The following GRM7 variants were observed in gnomAD, a reference collection of about 807,000 sequenced individuals.
The protein encoded by GRM7 is metabotropic glutamate receptor 7.
A neutral mutation model predicts 84.5 loss-of-function variants in GRM7; 35 were observed. That is an observed-to-expected ratio of 0.41 (90% CI 0.32 to 0.55). GRM7 has a LOEUF of 0.55. Among genes scored for constraint, GRM7 ranks in the 20% least tolerant of loss-of-function variants. The pLI is 0.19. For missense variants in GRM7, 1,003 were observed against 1,194.6 expected (o/e 0.84, Z 2.36); for synonymous variants, 487 against 455.1 (o/e 1.07, Z -0.89).
chr3:7,655,708 A>G (rs1699149555), intron 8 of GRM7, among the ~76,000 whole-genome samples: 1 of 152,158 alleles, frequency 6.6e-6, no homozygotes, highest in Admixed American at 6.5e-5. Context: ...TGGCTCCTAG[A>G]CGCTGAGGGT....
intron 4 of GRM7, among the ~76,000 whole-genome samples, chr3:7,409,364 T>A (rs539104276): frequency 2.8e-4 from 42 of 151,684 alleles, no homozygotes; most frequent in African/African-American, 8.9e-4. Context: ...CTTCAACTTT[T>A]CCTGAAAGAC....
In GRM7 at chr3:7,418,060, T is replaced by A. The variant is rs371393368; in HGVS notation, c.1174+2897T>A. 8.9e-4 allele frequency among the ~76,000 whole-genome samples: 136 copies of A among 152,328 alleles called. 5 individuals are homozygous for A. The South Asian group carries it at 0.026, about 29-fold the overall frequency. On this transcript the variant is annotated intron_variant, in intron 5 of 9. Coordinates refer to ENST00000357716, the MANE Select transcript of GRM7 (RefSeq NM_000844.4). ...CTTCATAATTTTACTTGGGGCTAGA[T>A]GTGCATGAATTCTTATAGAAAATGA...
At chr3:7,699,894 C>G (rs542151360) in intron 9 of GRM7, among the ~76,000 whole-genome samples, 2 of 152,248 alleles carry the variant, frequency 1.3e-5, no homozygotes, top group South Asian at 2.1e-4. Flanking sequence ...GTTACAGGCT[C>G]TGGAGTTGGA....
rs562166518 is a variant in GRM7 at position 6,879,747 on chromosome 3, A to G, written c.519+17840A>G. Among the ~76,000 whole-genome samples the G allele has an allele frequency of 1.1e-4, 17 of 152,350 alleles. No individual in the cohort carries two copies. The South Asian group carries it at 3.3e-3, about 30-fold the overall frequency. On this transcript the variant is annotated intron_variant, in intron 1 of 9. Coordinates refer to ENST00000357716, the MANE Select transcript of GRM7 (RefSeq NM_000844.4). ...TTCTGGGAACCTGAGGTTAGAATTC[A>G]GTATCGATTTATAATGAGTTTACCT...
intron 5 of GRM7, among the ~76,000 whole-genome samples, chr3:7,427,071 C>T (rs938063673): frequency 2.6e-5 from 4 of 152,130 alleles, no homozygotes; most frequent in Non-Finnish European, 5.9e-5. Flanking sequence ...ATCTTTTGGG[C>T]TGCATGTGAT....
intron 1 of GRM7, among the ~76,000 whole-genome samples, chr3:6,929,432 T>C (rs988490707): frequency 1.3e-5 from 2 of 152,192 alleles, no homozygotes; most frequent in African/African-American, 4.8e-5. Context: ...GTATGGGAAC[T>C]AAAATTGAAT....
intron 4 of GRM7, among the ~76,000 whole-genome samples, chr3:7,391,537 C>T (rs1694994141): frequency 6.6e-6 from 1 of 151,952 alleles, no homozygotes; most frequent in Admixed American, 6.6e-5. Context: ...GGGTGGAGAA[C>T]ATCACACACC....
intron 4 of GRM7, among the ~76,000 whole-genome samples, chr3:7,409,471 T>C (rs900630831): frequency 2.0e-5 from 3 of 152,164 alleles, no homozygotes; most frequent in Non-Finnish European, 4.4e-5. Flanking sequence ...ATTGTGCTCT[T>C]TTTCACTGTG....
At chr3:7,739,295 A>G (rs1164871292) in intron 9 of GRM7, among the ~76,000 whole-genome samples, 1 of 152,200 alleles carries the variant, frequency 6.6e-6, no homozygotes, top group African/African-American at 2.4e-5. Flanking sequence ...TCAGTATGTT[A>G]ATATGACTTC....
chr3:7,160,861 G>A (rs968325495), intron 2 of GRM7, among the ~76,000 whole-genome samples: 2 of 152,056 alleles, frequency 1.3e-5, no homozygotes, highest in African/African-American at 4.8e-5. Flanking sequence ...TCCGTATCCT[G>A]TTTGATTGCA....
rs374681812 is a variant in GRM7 at position 7,648,418 on chromosome 3, G to A, written c.2452-31631G>A. Among the ~76,000 whole-genome samples the A allele has an allele frequency of 8.6e-5, 13 of 151,878 alleles. No homozygotes were observed. The East Asian group carries it at 1.2e-3, about 14-fold the overall frequency. ...TCCTAGCACTTTAGGAGGCTGAGGC[G>A]GGCGGATCACCTGAGGTCAGGAGTT... On this transcript the variant is annotated intron_variant, in intron 8 of 9. Coordinates refer to ENST00000357716, the MANE Select transcript of GRM7 (RefSeq NM_000844.4).
At chr3:7,467,517 A>G (rs180804190) in intron 7 of GRM7, among the ~76,000 whole-genome samples, 167 of 152,266 alleles carry the variant, frequency 1.1e-3, no homozygotes, top group African/African-American at 3.6e-3. Context: ...CGTCTCCCTA[A>G]TCAAGACATC....
At chr3:6,868,913 T>C (rs963685528) in intron 1 of GRM7, among the ~76,000 whole-genome samples, 26 of 152,190 alleles carry the variant, frequency 1.7e-4, no homozygotes, top group African/African-American at 6.3e-4. Flanking sequence ...TTGGGTGTTG[T>C]GCTTTTGTCA....
At chr3:7,479,802 G>T (rs1002060240) in intron 7 of GRM7, among the ~76,000 whole-genome samples, 13 of 152,072 alleles carry the variant, frequency 8.5e-5, no homozygotes, top group African/African-American at 3.1e-4. Flanking sequence ...CAGTTTGTCT[G>T]GCTCTGTAGT....
intron 4 of GRM7, among the ~76,000 whole-genome samples, chr3:7,404,423 A>G (rs913593838): frequency 1.3e-5 from 2 of 152,212 alleles, no homozygotes; most frequent in African/African-American, 4.8e-5. Context: ...AGCCTTTCTG[A>G]GAACTAACCA....
chr3:7,309,627 G>A (rs539119189), intron 4 of GRM7, among the ~76,000 whole-genome samples: 65 of 152,214 alleles, frequency 4.3e-4, no homozygotes, highest in African/African-American at 1.5e-3. Flanking sequence ...GCATTTTTCT[G>A]AGTATGCATT....
intron 9 of GRM7, among the ~76,000 whole-genome samples, chr3:7,694,674 A>G (rs1454032636): frequency 6.6e-6 from 1 of 152,156 alleles, no homozygotes; most frequent in Non-Finnish European, 1.5e-5. Flanking sequence ...TCATAACACA[A>G]CGCATGTTTC....
At chr3:7,676,042 C>T (rs1048793161) in intron 8 of GRM7, among the ~76,000 whole-genome samples, 23 of 151,868 alleles carry the variant, frequency 1.5e-4, no homozygotes, top group Admixed American at 1.1e-3. Flanking sequence ...GTGGCGTGAT[C>T]GTGATCTTGG....
At chr3:7,294,574 AAAG>A (rs200165913) in intron 2 of GRM7, among the ~76,000 whole-genome samples, 5,346 of 100,858 alleles carry the variant, frequency 0.053, 305 homozygotes, top group African/African-American at 0.24. Flanking sequence ...TAAAAAAAAA[AAAG>A]AAAAATGTTT....
Sources: allele counts gnomAD v4.1 joint callset (sites outside exome capture counted in the v4.1 genomes callset), GRCh38; gene constraint gnomAD v4.1.1; transcripts MANE v1.5; gene names NCBI Gene and HGNC (gene_info 2026-07-23, HGNC 2026-07-21).